Variants in PTPRA observed in about 807,000 individuals in gnomAD.
PTPRA encodes the protein receptor-type tyrosine-protein phosphatase alpha.
PTPRA carries 25 observed loss-of-function variants against 104.8 expected under a neutral mutation model. That is an observed-to-expected ratio of 0.24 (90% confidence interval 0.17 to 0.33). The LOEUF (loss-of-function observed/expected upper bound fraction) is 0.33, where lower values mean the gene tolerates loss of function less well. Among genes scored for constraint, PTPRA ranks in the 10% least tolerant of loss-of-function variants. The pLI is 1.00. For synonymous variants in PTPRA, 323 were observed against 368.9 expected (o/e 0.88, Z 1.43); for missense variants, 765 against 1,015.3 (o/e 0.75, Z 3.35).
At chr20:2,948,687 C>A (rs2061232363) in intron 3 of PTPRA, among the ~76,000 whole-genome samples, 1 of 152,172 alleles carries the variant, frequency 6.6e-6, no homozygotes, top group Non-Finnish European at 1.5e-5. Context: ...CACGGTGGCT[C>A]ACGCCTGGAA....
chr20:3,037,034 C>T lies in PTPRA; in HGVS notation c.2199-120C>T, dbSNP rs967366829. 7.0e-7 allele frequency: 1 copy of T among 1,422,890 alleles called. No individual in the cohort carries two copies. The highest frequency in any genetic ancestry group is 2.5e-4 in the Middle Eastern group (1 of 3,924). 88.1% of individuals were successfully genotyped at this position (1,422,890 alleles called of 1,614,324 possible). A position where few individuals can be genotyped will look rare whatever the true frequency, so the allele number is the denominator to read the frequency against. On this transcript the variant is annotated intron_variant, in intron 22 of 23. Coordinates refer to ENST00000399903, the MANE Select transcript of PTPRA (RefSeq NM_001385305.1). The surrounding 1 kb of genome is among the most constrained non-coding windows in gnomAD (Gnocchi z 4.3). ...CAGAACCCCTCCAGGCTGGTGGGTC[C>T]ACAGGGCAAAGGCGAGCACCAGCTG...
At chr20:2,975,386 T>C (rs566283878) in intron 6 of PTPRA, 145 bp downstream of exon 6, 3 of 626,320 alleles carry the variant, frequency 4.8e-6, no homozygotes, top group Non-Finnish European at 7.5e-6. Context: ...CATGTTAATC[T>C]CATGGAGAAG....
At chr20:2,990,478 G>A (rs940031732) in intron 9 of PTPRA, among the ~76,000 whole-genome samples, 1 of 152,196 alleles carries the variant, frequency 6.6e-6, no homozygotes, top group Non-Finnish European at 1.5e-5. Context: ...AACACTTTGA[G>A]AGGCTGAGGC....
chr20:2,908,310 C>A (rs1332730087), intron 1 of PTPRA, among the ~76,000 whole-genome samples: 1 of 152,104 alleles, frequency 6.6e-6, no homozygotes, highest in Non-Finnish European at 1.5e-5. Context: ...TTTCAAACTG[C>A]ACAGGTCCAA....
chr20:2,986,892 A>G (rs756174627), intron 7 of PTPRA, 43 bp downstream of exon 7: 56 of 1,524,878 alleles, frequency 3.7e-5, no homozygotes, highest in Non-Finnish European at 4.9e-5. Flanking sequence ...TTCTGTTTCA[A>G]TATCCCAGTG....
rs2146715013 is a variant in PTPRA at position 2,873,638 on chromosome 20, C to T, written c.-251C>T. The T allele has an allele frequency of 6.6e-6, 1 of 150,758 alleles. No individual in the cohort carries two copies. The highest frequency in any genetic ancestry group is 2.4e-5 in the African/African-American group (1 of 41,356). The allele number at this position is 150,758 out of a possible 1,614,324, so 9.3% of individuals were successfully genotyped here. ...GGAGGCGAGGCCGCCGCCGCCGCCG[C>T]GGGGCTCGGAGCCGCGGGCCGGGCG... On this transcript the variant is annotated 5_prime_UTR_variant, in exon 1 of 24. Transcript: ENST00000399903. This position sits in a 1 kb window ranked among gnomAD's most constrained non-coding sequence, Gnocchi z 4.4.
chr20:2,945,246 G>A (rs1011996377), intron 2 of PTPRA, among the ~76,000 whole-genome samples: 5 of 152,014 alleles, frequency 3.3e-5, no homozygotes, highest in Non-Finnish European at 5.9e-5. Context: ...CTTCTTGTCT[G>A]TTTCTTACTG....
intron 1 of PTPRA, among the ~76,000 whole-genome samples, chr20:2,899,374 T>C (rs1445924022): frequency 6.6e-6 from 1 of 152,154 alleles, no homozygotes; most frequent in African/African-American, 2.4e-5. Context: ...AGGCGCACCA[T>C]ACTATGCAGG....
chr20:2,875,895 A>G (rs754445818), intron 1 of PTPRA, among the ~76,000 whole-genome samples: 51 of 152,160 alleles, frequency 3.4e-4, no homozygotes, highest in Non-Finnish European at 6.2e-4. Context: ...CGGATCATGA[A>G]GGATGCATAG....
chr20:3,028,322 A>G (rs2065251005), intron 20 of PTPRA, among the ~76,000 whole-genome samples: 1 of 152,236 alleles, frequency 6.6e-6, no homozygotes, highest in Non-Finnish European at 1.5e-5. Flanking sequence ...AATTTGAGAA[A>G]TTATACAAAC....
At chr20:3,019,363 G>A (rs574563486) in intron 13 of PTPRA, among the ~76,000 whole-genome samples, 7 of 150,080 alleles carry the variant, frequency 4.7e-5, no homozygotes, top group African/African-American at 1.5e-4. Flanking sequence ...CAGACCGGGC[G>A]GCTGCTGGGC....
intron 1 of PTPRA, among the ~76,000 whole-genome samples, chr20:2,895,989 G>GT (rs1391447539): frequency 1.2e-4 from 18 of 152,004 alleles, no homozygotes; most frequent in African/African-American, 4.3e-4. Flanking sequence ...TCTTTGATCT[G>GT]TATGTATTTA....
intron 1 of PTPRA, among the ~76,000 whole-genome samples, chr20:2,891,013 TC>T (rs2146968405): frequency 6.6e-6 from 1 of 152,364 alleles, no homozygotes; most frequent in Admixed American, 6.5e-5. Flanking sequence ...CAGAACTGAC[TC>T]ATCTTCCTTT....
intron 17 of PTPRA, among the ~76,000 whole-genome samples, chr20:3,026,085 A>G (rs2065129809): frequency 1.3e-5 from 2 of 151,592 alleles, no homozygotes; most frequent in African/African-American, 4.8e-5. Context: ...AGCTGGGTCT[A>G]CAGGCACGTG....
chr20:3,036,214 T>C (rs908414432), intron 22 of PTPRA, among the ~76,000 whole-genome samples: 1 of 152,122 alleles, frequency 6.6e-6, no homozygotes, highest in Admixed American at 6.5e-5. Flanking sequence ...GGTTGTGCTA[T>C]GAACAGAGGG....
intron 19 of PTPRA, among the ~76,000 whole-genome samples, 182 bp from the exon 20 acceptor site, chr20:3,027,525 C>A (rs1475649024): frequency 1.3e-5 from 2 of 152,244 alleles, no homozygotes; most frequent in Non-Finnish European, 2.9e-5. Flanking sequence ...TGTTCCACTT[C>A]CCTGTCTCTT....
chr20:2,911,892 T>G (rs2059735815), intron 1 of PTPRA, among the ~76,000 whole-genome samples: 1 of 152,048 alleles, frequency 6.6e-6, no homozygotes, highest in South Asian at 2.1e-4. Context: ...AAAAAAAGAC[T>G]GCTCTCAAAC....
chr20:2,866,575 G>A, the PTPRA span: 4 of 1,613,930 alleles, frequency 2.5e-6, no homozygotes, highest in Non-Finnish European at 2.5e-6. Context: ...GAAGAAGTGA[G>A]GAGTCCATCC....
intron 11 of PTPRA, among the ~76,000 whole-genome samples, chr20:3,010,542 G>A (rs987435320): frequency 2.6e-5 from 4 of 152,182 alleles, no homozygotes; most frequent in South Asian, 2.1e-4. Flanking sequence ...GCAGGAGAAC[G>A]GCGTGAACCT....
Sources: gnomAD v4.1 joint callset for allele counts (sites outside exome capture counted in the v4.1 genomes callset) on GRCh38, gnomAD v4.1.1 for gene constraint, Gnocchi (gnomAD v3.1) non-coding constraint, MANE v1.5 for transcripts, NCBI Gene and HGNC (gene_info 2026-07-23, HGNC 2026-07-21) for gene names.